PCDHGA10: variants seen among roughly 807,000 people sequenced by gnomAD.
PCDHGA10 encodes the protein protocadherin gamma-A10.
A neutral mutation model predicts 59.5 loss-of-function variants in PCDHGA10; 42 were observed. The ratio of observed to expected loss-of-function variants is 0.71; its 90% CI spans 0.55 to 0.91. The LOEUF (loss-of-function observed/expected upper bound fraction) is 0.91, where lower values mean the gene tolerates loss of function less well. Among genes scored for constraint, PCDHGA10 ranks in the 40% least tolerant of loss-of-function variants. The probability of loss-of-function intolerance (pLI) is 0.00; values close to 1 mark genes in which losing one functional copy is unlikely to be tolerated. For synonymous variants in PCDHGA10, 511 were observed against 517.2 expected (o/e 0.99, Z 0.16); for missense variants, 1,111 against 1,198.2 (o/e 0.93, Z 1.07).
intron 1 of PCDHGA10, among the ~76,000 whole-genome samples, chr5:141,443,070 T>C (rs983773796): frequency 6.6e-6 from 1 of 152,244 alleles, no homozygotes; most frequent in African/African-American, 2.4e-5. Flanking sequence ...GAGCGTCTTA[T>C]GACTGAGTGT....
chr5:141,456,236 T>G (rs1299029934), intron 1 of PCDHGA10, among the ~76,000 whole-genome samples: 1 of 152,120 alleles, frequency 6.6e-6, no homozygotes, highest in African/African-American at 2.4e-5. Flanking sequence ...TAACTGCTGT[T>G]AGGAGGCTTT....
chr5:141,415,278 G>A lies in PCDHGA10; in HGVS notation c.2103G>A (p.Val701=), dbSNP rs768587119. 2.5e-6 allele frequency: 4 copies of A among 1,614,212 alleles called. No homozygotes were observed. The highest frequency in any genetic ancestry group is 3.4e-6 in the Non-Finnish European group (4 of 1,180,030). The part of the protein sequence containing the change: ...SDLTLYLVVA[V]AAVSCVFLAF... Reference sequence around the variant, plus strand: ...TCACTCTGTACCTGGTGGTAGCGGTGGCCGCGGTCTCCTGCGTCTTCCTGG... The same window carrying A: ...TCACTCTGTACCTGGTGGTAGCGGTAGCCGCGGTCTCCTGCGTCTTCCTGG... The change falls in exon 1 of 4, where the codon GTG becomes GTA. Residue 701 remains valine, a synonymous_variant. Coordinates refer to ENST00000398610, the MANE Select transcript of PCDHGA10 (RefSeq NM_018913.3).
At position 141,511,575 on chromosome 5, in the gene PCDHGA10, T is replaced by C. The variant is rs930675653; in HGVS notation, c.*402T>C. On this transcript the variant is annotated 3_prime_UTR_variant, in exon 4 of 4. Transcript: ENST00000398610. ...AGTTCCTCTTTCCCGAGTAAGGTGG[T>C]TGGGGTGTTGAAGTACCAAGTAACC... 28 of 287,258 alleles carry C rather than the reference T, an allele frequency of 9.7e-5. No individual in the cohort carries two copies. Among genetic ancestry groups the C allele is most frequent in the Middle Eastern group, 1.3e-3 (1 of 784 alleles). The allele number at this position is 287,258 out of a possible 1,614,324, so 17.8% of individuals were successfully genotyped here.
rs938964469 is a variant in PCDHGA10 at position 141,485,439 on chromosome 5, C to T, written c.2437-9368C>T. On this transcript the variant is annotated intron_variant, in intron 1 of 3. Transcript: ENST00000398610. This position sits in a 1 kb window ranked among gnomAD's most constrained non-coding sequence, Gnocchi z 5.7. The stretch of plus-strand genomic sequence containing the variant: ...AGCGGAGCCCTGCTCATCAAGAACC[C>T]AATCGACCGAGAGGCACTGTGTGGG... The T allele has an allele frequency of 1.1e-5, 18 of 1,614,182 alleles. No homozygotes were observed. Among genetic ancestry groups the T allele is most frequent in the Non-Finnish European group, 1.5e-5 (18 of 1,180,036 alleles).
intron 1 of PCDHGA10, chr5:141,422,893 C>T (rs1405800318): frequency 3.1e-6 from 5 of 1,614,128 alleles, no homozygotes; most frequent in Admixed American, 3.3e-5. Flanking sequence ...CGTGCTGGAC[C>T]AGAACGACAA....
At chr5:141,424,491 G>T (rs2096824224) in intron 1 of PCDHGA10, 1 of 152,122 alleles carries the variant, frequency 6.6e-6, no homozygotes, top group South Asian at 2.1e-4. Context: ...GTCTGTGTTT[G>T]TATGTATGGA....
In PCDHGA10 at chr5:141,486,092, C is replaced by A; in HGVS notation, c.2437-8715C>A. Reference sequence around the variant, plus strand: ...TACTGGAAAGCTTACTCTTTTGGGGCCCCTAGACTTTGAGAGTGAGAATTA... The same window carrying A: ...TACTGGAAAGCTTACTCTTTTGGGGACCCTAGACTTTGAGAGTGAGAATTA... On this transcript the variant is annotated intron_variant, in intron 1 of 3. Coordinates refer to ENST00000398610, the MANE Select transcript of PCDHGA10 (RefSeq NM_018913.3). The surrounding 1 kb of genome is among the most constrained non-coding windows in gnomAD (Gnocchi z 5.0). 1.9e-6 allele frequency: 3 copies of A among 1,614,148 alleles called. No individual in the cohort carries two copies. Among genetic ancestry groups the A allele is most frequent in the Non-Finnish European group, 2.5e-6 (3 of 1,180,008 alleles).
chr5:141,429,379 T>G (rs573911129), intron 1 of PCDHGA10, among the ~76,000 whole-genome samples: 5 of 151,382 alleles, frequency 3.3e-5, no homozygotes, highest in East Asian at 1.9e-4. Context: ...GAAAATGTGT[T>G]TTTTTTTTAA....
At position 141,510,228 on chromosome 5, in the gene PCDHGA10, G is replaced by A. The variant is rs529723748; in HGVS notation, c.2585-719G>A. The stretch of plus-strand genomic sequence containing the variant: ...GCAGAGGTTGCAGTGAGCCGGGATC[G>A]CGCCACTGCACTCCAGGCTGGGCGA... On this transcript the variant is annotated intron_variant, in intron 3 of 3. Coordinates refer to ENST00000398610, the MANE Select transcript of PCDHGA10 (RefSeq NM_018913.3). Among the ~76,000 whole-genome samples the A allele has an allele frequency of 1.4e-3, 208 of 150,722 alleles. 1 individual carries two copies. Among genetic ancestry groups the A allele is most frequent in the African/African-American group, 4.7e-3 (193 of 40,860 alleles).
chr5:141,509,872 G>T (rs968745661), intron 3 of PCDHGA10, among the ~76,000 whole-genome samples: 16 of 152,166 alleles, frequency 1.1e-4, no homozygotes, highest in Non-Finnish European at 1.5e-5. Context: ...CCAAGCTGCT[G>T]GTGGTGATGG....
At chr5:141,419,204 G>A (rs1291977951) in intron 1 of PCDHGA10, 1 of 1,613,798 alleles carries the variant, frequency 6.2e-7, no homozygotes, top group Non-Finnish European at 8.5e-7. Flanking sequence ...CAATGACAAC[G>A]CGCCGGTTTT....
chr5:141,432,692 G>A lies in PCDHGA10; in HGVS notation c.2436+17081G>A. The A allele has an allele frequency of 6.2e-7, 1 of 1,613,964 alleles. No homozygotes were observed. Among genetic ancestry groups the A allele is most frequent in the Non-Finnish European group, 8.5e-7 (1 of 1,179,978 alleles). On this transcript the variant is annotated intron_variant, in intron 1 of 3. Transcript: ENST00000398610. The surrounding 1 kb of genome is among the most constrained non-coding windows in gnomAD (Gnocchi z 6.0). ...CGCGCTCAAGCAGAGCCTCGTAGTG[G>A]CCGTCCAGGACCACGGCCAGCCCCC...
chr5:141,421,965 C>T (rs775450008), intron 1 of PCDHGA10: 3 of 1,610,242 alleles, frequency 1.9e-6, no homozygotes, highest in Non-Finnish European at 2.5e-6. Context: ...TTACACAGTC[C>T]GTATATCGCG....
chr5:141,476,783 G>C lies in PCDHGA10; in HGVS notation c.2437-18024G>C. ...GACGGCGTTGGACGGAGGGACCCCAGCTCTCTCCGCCAGCCTGCCTATTCA... is the reference window on the plus strand; with the variant it reads ...GACGGCGTTGGACGGAGGGACCCCACCTCTCTCCGCCAGCCTGCCTATTCA... On this transcript the variant is annotated intron_variant, in intron 1 of 3. Coordinates refer to ENST00000398610, the MANE Select transcript of PCDHGA10 (RefSeq NM_018913.3). This position sits in a 1 kb window ranked among gnomAD's most constrained non-coding sequence, Gnocchi z 7.6. The C allele has an allele frequency of 6.2e-7, 1 of 1,613,510 alleles. No homozygotes were observed. The highest frequency in any genetic ancestry group is 8.5e-7 in the Non-Finnish European group (1 of 1,180,030).
In PCDHGA10 at chr5:141,489,950, A is replaced by G; in HGVS notation, c.2437-4857A>G. 2 of 1,614,192 alleles carry G rather than the reference A, an allele frequency of 1.2e-6. No individual in the cohort carries two copies. The highest frequency in any genetic ancestry group is 1.1e-5 in the South Asian group (1 of 91,088). ...TCTGTCATCGTGCTGGACATCAATG[A>G]TAATGCTCCAACCTTCCAATCCTCA... On this transcript the variant is annotated intron_variant, in intron 1 of 3. Transcript: ENST00000398610. The surrounding 1 kb of genome is among the most constrained non-coding windows in gnomAD (Gnocchi z 4.5).
intron 1 of PCDHGA10, chr5:141,417,908 C>G (rs1255727429): frequency 6.3e-7 from 1 of 1,597,500 alleles, no homozygotes; most frequent in Non-Finnish European, 8.5e-7. Context: ...GCGGCAGGTA[C>G]TATTTCCTTT....
intron 1 of PCDHGA10, chr5:141,492,007 C>T (rs1261430567): frequency 3.0e-5 from 19 of 628,956 alleles, no homozygotes; most frequent in Non-Finnish European, 4.6e-5. Flanking sequence ...GCGATTTCCG[C>T]GGGTGTCGGG....
chr5:141,421,715 T>G (rs756472123), intron 1 of PCDHGA10: 1 of 1,613,960 alleles, frequency 6.2e-7, no homozygotes, highest in Admixed American at 1.7e-5. Context: ...GATCCAGATG[T>G]GGGCGTGAAC....
intron 1 of PCDHGA10, among the ~76,000 whole-genome samples, chr5:141,465,319 T>A (rs184635197): frequency 4.6e-5 from 7 of 152,324 alleles, no homozygotes; most frequent in Admixed American, 1.3e-4. Flanking sequence ...GCCATGTCAA[T>A]GCAGTATTTT....
Sources: gnomAD v4.1 joint callset for allele counts (sites outside exome capture counted in the v4.1 genomes callset) on GRCh38, gnomAD v4.1.1 for gene constraint, Gnocchi (gnomAD v3.1) non-coding constraint, MANE v1.5 for transcripts, NCBI Gene and HGNC (gene_info 2026-07-23, HGNC 2026-07-21) for gene names.